Variants in SNRK observed in about 807,000 individuals in gnomAD.
The protein encoded by SNRK is SNF-related serine/threonine-protein kinase.
In SNRK, 3 loss-of-function variants were observed where a neutral mutation model predicts 48.2. The ratio of observed to expected loss-of-function variants is 0.06; its 90% CI spans 0.03 to 0.16. The LOEUF is 0.16. Among genes scored for constraint, SNRK ranks in the 10% least tolerant of loss-of-function variants. The probability of loss-of-function intolerance (pLI) is 1.00; values close to 1 mark genes in which losing one functional copy is unlikely to be tolerated. For synonymous variants in SNRK, 376 were observed against 366.1 expected (o/e 1.03, Z -0.31); for missense variants, 627 against 976.0 (o/e 0.64, Z 4.76).
chr3:43,295,426 T>C (rs2090845386), intron 1 of SNRK, among the ~76,000 whole-genome samples: 1 of 152,186 alleles, frequency 6.6e-6, no homozygotes, highest in Non-Finnish European at 1.5e-5. Context: ...ACGAAGAACA[T>C]ACTTTAGTAA....
At chr3:43,300,459 T>C (rs1376234760) in intron 2 of SNRK, among the ~76,000 whole-genome samples, 1 of 152,212 alleles carries the variant, frequency 6.6e-6, no homozygotes. Flanking sequence ...AACAAAGTTA[T>C]ATAACTTGGG....
intron 3 of SNRK, among the ~76,000 whole-genome samples, chr3:43,307,931 A>G (rs894764694): frequency 2.0e-5 from 3 of 152,258 alleles, no homozygotes; most frequent in African/African-American, 7.2e-5. Context: ...AATGCAAAAG[A>G]AAAGTTCTTG....
chr3:43,348,383 T>G lies in SNRK; in HGVS notation c.2124T>G (p.Ser708=). 1 of 1,608,854 alleles carries G rather than the reference T, an allele frequency of 6.2e-7. No homozygotes were observed. Among genetic ancestry groups the G allele is most frequent in the Non-Finnish European group, 8.5e-7 (1 of 1,177,760 alleles). ...VPAVGGIKFF[S]DHMADTTTEL... ...CAGTGGGCGGCATAAAGTTTTTCTC[T>G]GACCACATGGCAGATACCACCACTG... The change falls in exon 7 of 7, where the codon TCT becomes TCG. Residue 708 remains serine, a synonymous_variant. Transcript: ENST00000296088.
chr3:43,340,509 T>C lies in SNRK; in HGVS notation c.944+10T>C. The stretch of plus-strand genomic sequence containing the variant: ...GAGACGCCATTGTAGAGTACGTCAA[T>C]GCCCGTCAGTACAGAGGGCCACAGG... On this transcript the variant is annotated intron_variant, in intron 5 of 6. Transcript: ENST00000296088. The C allele has an allele frequency of 6.2e-7, 1 of 1,612,678 alleles. No homozygotes were observed. The highest frequency in any genetic ancestry group is 8.5e-7 in the Non-Finnish European group (1 of 1,178,956).
chr3:43,322,537 T>C (rs1226617802), intron 3 of SNRK, among the ~76,000 whole-genome samples: 1 of 152,128 alleles, frequency 6.6e-6, no homozygotes, highest in Non-Finnish European at 1.5e-5. Context: ...AACTCCCCTA[T>C]AGACAAATGA....
chr3:43,327,771 A>G (rs1314939086), intron 3 of SNRK, among the ~76,000 whole-genome samples: 2 of 152,176 alleles, frequency 1.3e-5, no homozygotes, highest in Non-Finnish European at 2.9e-5. Flanking sequence ...CCCTAGAAAT[A>G]GCATAATTCA....
At position 43,348,579 on chromosome 3, in the gene SNRK, A is replaced by G; in HGVS notation, c.*22A>G. The G allele has an allele frequency of 6.6e-7, 1 of 1,515,376 alleles. No homozygotes were observed. Among genetic ancestry groups the G allele is most frequent in the Admixed American group, 2.3e-5 (1 of 43,542 alleles). The allele number at this position is 1,515,376 out of a possible 1,614,324, so 93.9% of individuals were successfully genotyped here. On this transcript the variant is annotated 3_prime_UTR_variant, in exon 7 of 7. Transcript: ENST00000296088. ...CTGACTGTGGCCCCATCTGGCCGCT[A>G]GCACGCTTCCTGCTCAGAGCAGTGA...
chr3:43,348,177 G>A lies in SNRK; in HGVS notation c.1918G>A (p.Ala640Thr), dbSNP rs751520689. ...CTCCATGCAGCTGGCCTCTCGCAGTGCTGGGGAGCTCGTTGAGAGCCTCAA... is the reference window on the plus strand; with the variant it reads ...CTCCATGCAGCTGGCCTCTCGCAGTACTGGGGAGCTCGTTGAGAGCCTCAA... ...SNSMQLASRS[A>T]GELVESLKLM... Residue 640 changes from alanine (A) to threonine (T), a missense_variant, in exon 7 of 7, where the codon GCT (alanine) becomes ACT (threonine). This residue lies in a region of SNRK where 207 missense variants were observed against 234.3 expected (regional missense o/e 0.88). Transcript: ENST00000296088. The A allele has an allele frequency of 6.3e-7, 1 of 1,597,740 alleles. No individual in the cohort carries two copies. Among genetic ancestry groups the A allele is most frequent in the Non-Finnish European group, 8.5e-7 (1 of 1,172,450 alleles).
intron 4 of SNRK, 119 bp from the exon 5 acceptor site, chr3:43,340,168 C>T: frequency 1.3e-6 from 1 of 798,546 alleles, no homozygotes. Flanking sequence ...CCCACTGCCA[C>T]CACTAGTGCA....
At chr3:43,305,977 C>T (rs1040853792) in intron 3 of SNRK, among the ~76,000 whole-genome samples, 1 of 152,086 alleles carries the variant, frequency 6.6e-6, no homozygotes, top group Admixed American at 6.6e-5. Context: ...GGTGGGTACA[C>T]AGGAGTTCAT....
chr3:43,339,592 C>T (rs1281772045), intron 4 of SNRK, among the ~76,000 whole-genome samples: 1 of 151,424 alleles, frequency 6.6e-6, no homozygotes, highest in Non-Finnish European at 1.5e-5. Flanking sequence ...CCGAGGCGGG[C>T]GAATCACTAG....
At chr3:43,286,747 T>G (rs544469305) in intron 1 of SNRK, 72 bp downstream of exon 1, 1 of 147,534 alleles carries the variant, frequency 6.8e-6, no homozygotes, top group South Asian at 2.1e-4. Flanking sequence ...CTCCGCCGCC[T>G]CAGTAGCCTC....
In SNRK at chr3:43,332,255, A is replaced by G. The variant is rs370490912; in HGVS notation, c.676A>G (p.Met226Val). The G allele has an allele frequency of 1.1e-5, 17 of 1,599,276 alleles. No individual in the cohort carries two copies. The highest frequency in any genetic ancestry group is 5.4e-5 in the African/African-American group (4 of 74,622). Residue 226 changes from methionine to valine, a missense_variant, in exon 4 of 7, where the codon ATG (methionine) becomes GTG (valine). Physicochemically the swap from Met to Val is conservative, Grantham distance 21 (BLOSUM62 1). Coordinates refer to ENST00000296088, the MANE Select transcript of SNRK (RefSeq NM_017719.5). ...AGCCAATGACAGTGAAACACTGACA[A>G]TGATCATGGATTGCAAATATACAGT... ...QEANDSETLT[M>V]IMDCKYTVPS... is the part of the protein sequence containing the mutation.
intron 2 of SNRK, among the ~76,000 whole-genome samples, chr3:43,300,573 A>G (rs2125618228): frequency 6.6e-6 from 1 of 151,798 alleles, no homozygotes; most frequent in Middle Eastern, 3.4e-3. Context: ...TGCCCTTGTA[A>G]TTAATTGAAG....
At position 43,348,402 on chromosome 3, in the gene SNRK, A is replaced by G; in HGVS notation, c.2143A>G (p.Thr715Ala). 1 of 1,611,512 alleles carries G rather than the reference A, an allele frequency of 6.2e-7. No individual in the cohort carries two copies. Among genetic ancestry groups the G allele is most frequent in the Non-Finnish European group, 8.5e-7 (1 of 1,178,874 alleles). The change falls in exon 7 of 7, where the codon ACC becomes GCC. Residue 715 changes from threonine to alanine, a missense_variant. Around this residue, in one of 4 missense-constraint regions of SNRK, gnomAD observed 207 missense variants for 234.3 expected, o/e 0.88. Transcript: ENST00000296088. ...KFFSDHMADTTTELERIKSKN... is the reference protein window; with the variant it reads ...KFFSDHMADTATELERIKSKN... ...TTTCTCTGACCACATGGCAGATACC[A>G]CCACTGAATTGGAACGGATAAAGAG... is the stretch of plus-strand genomic sequence containing the variant.
Position 43,332,282 on chromosome 3 carries a change from C to T in SNRK, c.703C>T (p.Pro235Ser). 1 of 1,573,478 alleles carries T rather than the reference C, an allele frequency of 6.4e-7. No homozygotes were observed. The highest frequency in any genetic ancestry group is 1.2e-5 in the South Asian group (1 of 82,524). ...GATCATGGATTGCAAATATACAGTA[C>T]CATCCCATGTGTCTAAAGAGTGTAA... ...TMIMDCKYTVPSHVSKECKDL... is the reference protein window; with the variant it reads ...TMIMDCKYTVSSHVSKECKDL... Residue 235 changes from proline (P) to serine (S), a missense_variant, in exon 4 of 7, where the codon CCA (proline) becomes TCA (serine). By Grantham distance (74) the Pro-to-Ser change is moderately conservative (BLOSUM62 -1). Coordinates refer to ENST00000296088, the MANE Select transcript of SNRK (RefSeq NM_017719.5).
rs374206608 is a variant in SNRK, at chr3:43,347,547, G to A, written c.1288G>A (p.Ala430Thr). ...ACCAGCACTCTCTACGGTGCCACCC[G>A]CAAGCTTAAAACCCACAGCCAGTGG... ...AGPALSTVPP[A>T]SLKPTASGRK... The change falls in exon 7 of 7, where the codon GCA becomes ACA. Residue 430 changes from alanine (A) to threonine (T), a missense_variant. Physicochemically the swap from Ala to Thr is moderately conservative, Grantham distance 58. This residue lies in a region of SNRK where 175 missense variants were observed against 209.7 expected (regional missense o/e 0.83). Coordinates refer to ENST00000296088, the MANE Select transcript of SNRK (RefSeq NM_017719.5). This position sits in a 1 kb window ranked among gnomAD's most constrained non-coding sequence, Gnocchi z 5.4. 1.4e-5 allele frequency: 23 copies of A among 1,613,326 alleles called. No individual in the cohort carries two copies. The African/African-American group carries it at 1.5e-4, about 10-fold the overall frequency.
At chr3:43,340,991 G>A (rs2091231337) in intron 5 of SNRK, among the ~76,000 whole-genome samples, 1 of 152,154 alleles carries the variant, frequency 6.6e-6, no homozygotes. Context: ...GTTGCACTGT[G>A]CTATAATGGC....
intron 3 of SNRK, among the ~76,000 whole-genome samples, chr3:43,307,975 C>T (rs1280052427): frequency 6.6e-6 from 1 of 152,122 alleles, no homozygotes; most frequent in African/African-American, 2.4e-5. Context: ...AGTGAACACA[C>T]GAATGGTAAG....
Sources: gnomAD v4.1 joint callset for allele counts (sites outside exome capture counted in the v4.1 genomes callset) on GRCh38, gnomAD v4.1.1 for gene constraint, gnomAD v4.1.1 regional missense constraint, Gnocchi (gnomAD v3.1) non-coding constraint, MANE v1.5 for transcripts, NCBI Gene and HGNC (gene_info 2026-07-23, HGNC 2026-07-21) for gene names.